Variants in GRIN2D observed in about 807,000 individuals in gnomAD.
The protein encoded by GRIN2D is glutamate ionotropic receptor NMDA type subunit 2D, also known as glutamate receptor ionotropic, NMDA 2D.
In GRIN2D, 37 loss-of-function variants were observed where a neutral mutation model predicts 103.2. That is an observed-to-expected ratio of 0.36 (90% CI 0.28 to 0.47). GRIN2D has a LOEUF of 0.47. GRIN2D is among the 20% of genes least tolerant of loss of function. GRIN2D has a pLI of 1.00. For missense variants in GRIN2D, 1,557 were observed against 1,910.6 expected, an observed-to-expected ratio of 0.81 and a Z score of 3.45; for synonymous variants, 845 against 885.6, an observed-to-expected ratio of 0.95 and a Z score of 0.81.
chr19:48,424,549 C>T (rs888281397), intron 11 of GRIN2D, among the ~76,000 whole-genome samples: 5 of 152,050 alleles, frequency 3.3e-5, no homozygotes, highest in South Asian at 2.1e-4. Flanking sequence ...GGATTACAGG[C>T]GTGAGCCACC....
chr19:48,410,557 C>T (rs1970846059), intron 4 of GRIN2D, among the ~76,000 whole-genome samples: 3 of 124,538 alleles, frequency 2.4e-5, no homozygotes, highest in East Asian at 2.8e-4. Flanking sequence ...AAAAAGCAGT[C>T]GGAGTGTGGG....
intron 11 of GRIN2D, among the ~76,000 whole-genome samples, chr19:48,426,288 C>T (rs534888917): frequency 1.4e-5 from 2 of 143,158 alleles, no homozygotes; most frequent in Admixed American, 7.2e-5. Flanking sequence ...TGCAGTTGCG[C>T]GATCTCGGCT....
rs1971318281 is a variant in GRIN2D, at chr19:48,442,896, CCCGCTGTCCCCGCCGG to C, written c.2976_2991del (p.Pro995ArgfsTer518). ...CGGCACCGCGGGGCGCAGCCGGGCG[CCCGCTGTCCCCGCCGG>C]CCGCTCAGCCCCCGCAGAAGCCGCC... is the stretch of plus-strand genomic sequence containing the variant. On this transcript the variant is annotated frameshift_variant, in exon 14 of 14. Transcript: ENST00000263269. LOFTEE classifies it high-confidence loss of function. This position sits in a 1 kb window ranked among gnomAD's most constrained non-coding sequence, Gnocchi z 7.2. 1 of 1,096,362 alleles carries C rather than the reference CCCGCTGTCCCCGCCGG, an allele frequency of 9.1e-7. No individual in the cohort carries two copies. Among genetic ancestry groups the C allele is most frequent in the African/African-American group, 1.7e-5 (1 of 58,930 alleles). 67.9% of individuals were successfully genotyped at this position (1,096,362 alleles called of 1,614,324 possible). A position where few individuals can be genotyped will look rare whatever the true frequency, so the allele number is the denominator to read the frequency against.
chr19:48,440,240 A>G (rs999542988), intron 11 of GRIN2D, among the ~76,000 whole-genome samples: 3 of 151,924 alleles, frequency 2.0e-5, no homozygotes, highest in Non-Finnish European at 4.4e-5. Flanking sequence ...AAATAAATAA[A>G]TCAGGGCCTA....
chr19:48,414,734 A>G lies in GRIN2D; in HGVS notation c.1413-130A>G. On this transcript the variant is annotated intron_variant, in intron 6 of 13. Coordinates refer to ENST00000263269, the MANE Select transcript of GRIN2D (RefSeq NM_000836.4). This position sits in a 1 kb window ranked among gnomAD's most constrained non-coding sequence, Gnocchi z 4.6. ...CTTAGGCAAACCTCAGAATTCTTTG[A>G]GCCTGAGTTTCCCCTGAAAGCGCTA... is the stretch of plus-strand genomic sequence containing the variant. 3 of 1,289,338 alleles carry G rather than the reference A, an allele frequency of 2.3e-6. No individual in the cohort carries two copies. Among genetic ancestry groups the G allele is most frequent in the Non-Finnish European group, 3.2e-6 (3 of 928,810 alleles). 79.9% of individuals were successfully genotyped at this position (1,289,338 alleles called of 1,614,324 possible). A position where few individuals can be genotyped will look rare whatever the true frequency, so the allele number is the denominator to read the frequency against.
At chr19:48,432,434 A>T (rs925700081) in intron 11 of GRIN2D, among the ~76,000 whole-genome samples, 1 of 151,936 alleles carries the variant, frequency 6.6e-6, no homozygotes, top group African/African-American at 2.4e-5. Context: ...ATTTTCTTAA[A>T]TTCTTTTATG....
chr19:48,422,874 T>C (rs992150937), intron 11 of GRIN2D, among the ~76,000 whole-genome samples: 3 of 151,968 alleles, frequency 2.0e-5, no homozygotes, highest in African/African-American at 7.3e-5. Flanking sequence ...GGCAGATCAC[T>C]TCAGGTCAGG....
chr19:48,415,067 G>T, intron 7 of GRIN2D, 35 bp downstream of exon 7: 1 of 1,545,346 alleles, frequency 6.5e-7, no homozygotes. Context: ...GAATCTTCGG[G>T]GCGGAGTCGA....
Position 48,443,080 on chromosome 19 carries a change from G to T in GRIN2D, c.3154G>T (p.Asp1052Tyr). The change falls in exon 14 of 14, where the codon GAC becomes TAC. Residue 1052 changes from aspartate (D) to tyrosine (Y), a missense_variant. By Grantham distance (160) the Asp-to-Tyr change is radical (BLOSUM62 -3). Transcript: ENST00000263269. This position sits in a 1 kb window ranked among gnomAD's most constrained non-coding sequence, Gnocchi z 8.9. ...GCCACTCTGCCGCTTGGCCTTCGAGGACGAGAGCCCGCCGGCGCCCGCGCG... is the reference window on the plus strand; with the variant it reads ...GCCACTCTGCCGCTTGGCCTTCGAGTACGAGAGCCCGCCGGCGCCCGCGCG... ...GPPLCRLAFEDESPPAPARWP... is the reference protein window; with the variant it reads ...GPPLCRLAFEYESPPAPARWP... 9.7e-7 allele frequency: 1 copy of T among 1,033,204 alleles called. No individual in the cohort carries two copies. The highest frequency in any genetic ancestry group is 3.6e-5 in the South Asian group (1 of 27,800). 64.0% of individuals were successfully genotyped at this position (1,033,204 alleles called of 1,614,324 possible).
chr19:48,424,561 C>T (rs188595889), intron 11 of GRIN2D, among the ~76,000 whole-genome samples: 15 of 152,082 alleles, frequency 9.9e-5, no homozygotes, highest in African/African-American at 3.1e-4. Flanking sequence ...TGAGCCACCG[C>T]GCCTGGCTGG....
chr19:48,411,366 A>AATC (rs1970858364), intron 4 of GRIN2D, among the ~76,000 whole-genome samples: 2 of 140,166 alleles, frequency 1.4e-5, no homozygotes, highest in Non-Finnish European at 3.1e-5. Context: ...TAATAATAAT[A>AATC]ATAGGCCGGC....
chr19:48,411,000 C>A (rs897101101), intron 4 of GRIN2D, among the ~76,000 whole-genome samples: 2 of 152,094 alleles, frequency 1.3e-5, no homozygotes, highest in African/African-American at 4.8e-5. Flanking sequence ...CAGCCCTGGG[C>A]ACTTCTAACC....
chr19:48,443,193 CCCGGCCGCTCCGCCCCCGTG>C lies in GRIN2D; in HGVS notation c.3271_3290del (p.Ala1091ArgfsTer234). 1 of 1,166,226 alleles carries C rather than the reference CCCGGCCGCTCCGCCCCCGTG, an allele frequency of 8.6e-7. No homozygotes were observed. Among genetic ancestry groups the C allele is most frequent in the Non-Finnish European group, 1.1e-6 (1 of 937,552 alleles). 72.2% of individuals were successfully genotyped at this position (1,166,226 alleles called of 1,614,324 possible). ...GCACGGGGGGCGCAGGCGGAGGAGCCCCGGCCGCTCCGCCCCCGTGCCGCGCCGCGCCGCCCCCGTGCCCT... is the reference window on the plus strand; with the variant it reads ...GCACGGGGGGCGCAGGCGGAGGAGCCCCGCGCCGCGCCGCCCCCGTGCCCT... On this transcript the variant is annotated frameshift_variant, in exon 14 of 14. Transcript: ENST00000263269. LOFTEE classifies it high-confidence loss of function. This position sits in a 1 kb window ranked among gnomAD's most constrained non-coding sequence, Gnocchi z 8.9.
chr19:48,435,855 T>C (rs1318660014), intron 11 of GRIN2D, among the ~76,000 whole-genome samples: 3 of 152,222 alleles, frequency 2.0e-5, no homozygotes, highest in African/African-American at 4.8e-5. Flanking sequence ...GGAACTTAAA[T>C]TCCAGTGAAG....
At chr19:48,418,731 T>A (rs1401897710) in intron 8 of GRIN2D, among the ~76,000 whole-genome samples, 1 of 151,886 alleles carries the variant, frequency 6.6e-6, no homozygotes, top group Admixed American at 6.6e-5. Context: ...GGGGCTCCCA[T>A]CATGAGGAGC....
At chr19:48,397,997 C>T (rs971567251) in intron 2 of GRIN2D, among the ~76,000 whole-genome samples, 1 of 151,706 alleles carries the variant, frequency 6.6e-6, no homozygotes, top group Non-Finnish European at 1.5e-5. Context: ...GGTGTTTCTT[C>T]CCCACCTCTC....
chr19:48,398,521 C>A lies in GRIN2D; in HGVS notation c.129C>A (p.Gly43=). 1 of 1,026,402 alleles carries A rather than the reference C, an allele frequency of 9.7e-7. No individual in the cohort carries two copies. The highest frequency in any genetic ancestry group is 1.2e-6 in the Non-Finnish European group (1 of 858,562). The allele number at this position is 1,026,402 out of a possible 1,614,324, so 63.6% of individuals were successfully genotyped here. ...PGPGGAGGPG[G]GLGGARPLNV... Reference sequence around the variant, plus strand: ...CGGGCGGGGCCGGTGGGCCCGGCGGCGGCCTCGGCGGGGCGCGGCCGCTCA... The same window carrying A: ...CGGGCGGGGCCGGTGGGCCCGGCGGAGGCCTCGGCGGGGCGCGGCCGCTCA... The change falls in exon 3 of 14, where the codon GGC becomes GGA. Residue 43 remains glycine (G), a synonymous_variant. Coordinates refer to ENST00000263269, the MANE Select transcript of GRIN2D (RefSeq NM_000836.4).
chr19:48,437,505 A>G (rs1244967228), intron 11 of GRIN2D, among the ~76,000 whole-genome samples: 2 of 152,186 alleles, frequency 1.3e-5, no homozygotes, highest in Non-Finnish European at 2.9e-5. Context: ...AGAAAAACTG[A>G]GCAAACCATT....
At chr19:48,419,438 TG>T (rs1970988843) in intron 9 of GRIN2D, 79 bp downstream of exon 9, 1 of 1,518,748 alleles carries the variant, frequency 6.6e-7, no homozygotes, top group Non-Finnish European at 8.9e-7. Flanking sequence ...CAGCAGCCCC[TG>T]GAGGGGGGGC....
Sources: gnomAD v4.1 joint callset for allele counts (sites outside exome capture counted in the v4.1 genomes callset) on GRCh38, gnomAD v4.1.1 for gene constraint, Gnocchi (gnomAD v3.1) non-coding constraint, MANE v1.5 for transcripts, NCBI Gene and HGNC (gene_info 2026-07-23, HGNC 2026-07-21) for gene names.